The following BRF1 variants were observed in gnomAD, a reference collection of about 807,000 sequenced individuals.
The protein encoded by BRF1 is BRF1 general transcription factor IIIB subunit, also known as transcription factor IIIB 90 kDa subunit.
Under a neutral mutation model 81.7 loss-of-function variants are expected in BRF1, and 59 were observed. The observed-to-expected ratio is 0.72, with a 90% CI of 0.59 to 0.90. The LOEUF is 0.90. Among genes scored for constraint, BRF1 ranks in the 40% least tolerant of loss-of-function variants. The pLI is 0.00. For missense variants in BRF1, 1,050 were observed against 936.3 expected (o/e 1.12, Z -1.58); for synonymous variants, 491 against 395.6 (o/e 1.24, Z -2.86).
At chr14:105,223,334 C>T (rs183047248) in intron 10 of BRF1, among the ~76,000 whole-genome samples, 55 of 124,140 alleles carry the variant, frequency 4.4e-4, no homozygotes, top group East Asian at 1.7e-3. Context: ...CAGCCTCAAA[C>T]GTGCAATGTC....
chr14:105,300,726 C>A lies in BRF1; in HGVS notation c.-97G>T. The stretch of plus-strand genomic sequence containing the variant: ...GCGCCGCCCGCCCAGGCCCAGCCGC[C>A]CAGGCCTCGCCGCTCTCGCGAGGCC... On this transcript the variant is annotated 5_prime_UTR_variant, in exon 1 of 18. Transcript: ENST00000547530. The A allele has an allele frequency of 1.0e-6, 1 of 975,054 alleles. No homozygotes were observed. The highest frequency in any genetic ancestry group is 1.3e-6 in the Non-Finnish European group (1 of 763,100). 60.4% of individuals were successfully genotyped at this position (975,054 alleles called of 1,614,324 possible).
At chr14:105,218,850 G>A (rs1891768786) in intron 14 of BRF1, 148 bp downstream of exon 14, 2 of 1,136,536 alleles carry the variant, frequency 1.8e-6, no homozygotes, top group South Asian at 2.9e-5. Flanking sequence ...TAAGGACGTG[G>A]GTCTGGGGTC....
intron 15 of BRF1, among the ~76,000 whole-genome samples, chr14:105,215,970 C>T (rs1024325374): frequency 7.8e-6 from 1 of 128,966 alleles, no homozygotes; most frequent in East Asian, 2.0e-4. Flanking sequence ...CACACATGCA[C>T]ACACACTGCA....
intron 6 of BRF1, among the ~76,000 whole-genome samples, 180 bp downstream of exon 6, chr14:105,241,085 C>A (rs1289479201): frequency 6.6e-6 from 1 of 152,244 alleles, no homozygotes; most frequent in Non-Finnish European, 1.5e-5. Flanking sequence ...AACGGGGCAG[C>A]CAGGAGGTCC....
intron 4 of BRF1, among the ~76,000 whole-genome samples, chr14:105,255,166 C>CT (rs1382251458): frequency 6.6e-6 from 1 of 152,266 alleles, no homozygotes; most frequent in Non-Finnish European, 1.5e-5. Context: ...AGCCTGACCA[C>CT]TTCCGGAGCA....
intron 4 of BRF1, among the ~76,000 whole-genome samples, chr14:105,253,390 G>A (rs1453493816): frequency 6.6e-6 from 1 of 152,204 alleles, no homozygotes; most frequent in East Asian, 1.9e-4. Flanking sequence ...CTTCATCCCA[G>A]GCTTGCCCCT....
At chr14:105,212,352 A>C in intron 15 of BRF1, 188 bp from the exon 16 acceptor site, 1 of 690,054 alleles carries the variant, frequency 1.4e-6, no homozygotes, top group Admixed American at 2.8e-5. Context: ...CAGAGCTCTG[A>C]CCCGTTCACA....
At position 105,256,437 on chromosome 14, in the gene BRF1, G is replaced by A. The variant is rs150175369; in HGVS notation, c.471+81C>T. On this transcript the variant is annotated intron_variant, in intron 4 of 17. Transcript: ENST00000547530. ...ACTGAGATGCGTGGAGGCACCTGGG[G>A]TACACCCCGGTCACAACCCTGGTCA... 3.1e-4 allele frequency: 498 copies of A among 1,613,758 alleles called. 4 individuals carry two copies. In the East Asian group the frequency reaches 9.5e-3, roughly 31 times the overall value.
intron 11 of BRF1, 53 bp from the exon 12 acceptor site, chr14:105,220,183 G>A: frequency 6.2e-7 from 1 of 1,606,360 alleles, no homozygotes; most frequent in Non-Finnish European, 8.5e-7. Flanking sequence ...GATTATAGGA[G>A]CGTGGCCACC....
At chr14:105,274,259 C>T (rs1251281179) in intron 2 of BRF1, among the ~76,000 whole-genome samples, 1 of 152,088 alleles carries the variant, frequency 6.6e-6, no homozygotes, top group Non-Finnish European at 1.5e-5. Context: ...GCTCTCCTGC[C>T]GCATTCTTCT....
At chr14:105,247,862 AG>A in intron 5 of BRF1, 1 of 985,662 alleles carries the variant, frequency 1.0e-6, no homozygotes, top group Non-Finnish European at 1.2e-6. Context: ...TCTCCTCATC[AG>A]CAAAGCCAGT....
At chr14:105,312,135 T>C (rs2058366090) in intron 1 of BRF1, among the ~76,000 whole-genome samples, 1 of 152,000 alleles carries the variant, frequency 6.6e-6, no homozygotes, top group Non-Finnish European at 1.5e-5. Context: ...GATGAATGCG[T>C]TTCCAAGCAG....
rs1253490133 is a variant in BRF1, at chr14:105,246,796, GTTT to G, written c.545-5385_545-5383del. 7.1e-6 allele frequency: 7 copies of G among 983,640 alleles called. No homozygotes were observed. The East Asian group carries it at 3.4e-4, about 48-fold the overall frequency. 60.9% of individuals were successfully genotyped at this position (983,640 alleles called of 1,614,324 possible). Reference sequence around the variant, plus strand: ...TTTAAAAATCAAAGTGCAAAGGGTGGTTTCTTTCTAAGGATGAAAATTATTATT... The same window carrying G: ...TTTAAAAATCAAAGTGCAAAGGGTGGCTTTCTAAGGATGAAAATTATTATT... On this transcript the variant is annotated intron_variant, in intron 5 of 17. Transcript: ENST00000547530.
intron 1 of BRF1, among the ~76,000 whole-genome samples, chr14:105,307,271 C>T (rs587737383): frequency 6.6e-6 from 1 of 152,074 alleles, no homozygotes; most frequent in Non-Finnish European, 1.5e-5. Flanking sequence ...TCATCAGGCT[C>T]CTGCATTCCT....
chr14:105,289,881 C>T (rs1202252886), intron 1 of BRF1, among the ~76,000 whole-genome samples: 1 of 152,044 alleles, frequency 6.6e-6, no homozygotes, highest in Non-Finnish European at 1.5e-5. Flanking sequence ...AGTGATCCAC[C>T]CACCTCGGCC....
rs1477412322 is a variant in BRF1, at chr14:105,219,069, G to A, written c.1460-16C>T. The A allele has an allele frequency of 6.2e-7, 1 of 1,613,946 alleles. No individual in the cohort carries two copies. The highest frequency in any genetic ancestry group is 8.5e-7 in the Non-Finnish European group (1 of 1,180,000). The stretch of plus-strand genomic sequence containing the variant: ...GCTTCTTTTTCTAAAAGTTCAGAAA[G>A]GGGGCCAGCGTCACTGAGGGCCCAC... On this transcript the variant is annotated splice_polypyrimidine_tract_variant and intron_variant, in intron 13 of 17. Transcript: ENST00000547530.
At chr14:105,257,435 G>A (rs1053616196) in intron 3 of BRF1, among the ~76,000 whole-genome samples, 2 of 152,202 alleles carry the variant, frequency 1.3e-5, no homozygotes, top group African/African-American at 4.8e-5. Context: ...CCCTGGGCTG[G>A]AGGCCCCTGA....
chr14:105,313,307 G>T (rs587735307), intron 1 of BRF1, among the ~76,000 whole-genome samples: 1 of 152,344 alleles, frequency 6.6e-6, no homozygotes, highest in East Asian at 1.9e-4. Flanking sequence ...TCCTCCTGGG[G>T]TATGGCTACC....
intron 3 of BRF1, among the ~76,000 whole-genome samples, chr14:105,259,918 A>G (rs2056066595): frequency 6.6e-6 from 1 of 152,204 alleles, no homozygotes; most frequent in African/African-American, 2.4e-5. Context: ...CACCAAAAAA[A>G]AAAGCATGTG....
Sources: gnomAD v4.1 joint callset for allele counts (sites outside exome capture counted in the v4.1 genomes callset) on GRCh38, gnomAD v4.1.1 for gene constraint, MANE v1.5 for transcripts, NCBI Gene and HGNC (gene_info 2026-07-23, HGNC 2026-07-21) for gene names.